GALNT16: variants seen among roughly 807,000 people sequenced by gnomAD.
The protein encoded by GALNT16 is polypeptide N-acetylgalactosaminyltransferase 16.
In GALNT16, 40 loss-of-function variants were observed where a neutral mutation model predicts 76.1. The observed-to-expected ratio is 0.53, with a 90% CI of 0.41 to 0.68. The LOEUF is 0.68. Among genes scored for constraint, GALNT16 ranks in the 30% least tolerant of loss-of-function variants. GALNT16 has a pLI of 0.00. For synonymous variants in GALNT16, 276 were observed against 285.2 expected (o/e 0.97, Z 0.32); for missense variants, 621 against 731.9 (o/e 0.85, Z 1.75).
At chr14:69,376,789 G>A in the GALNT16 span, among the ~76,000 whole-genome samples, 6 of 152,208 alleles carry the variant, frequency 3.9e-5, no homozygotes, top group African/African-American at 1.4e-4. Context: ...CCTAGACTGG[G>A]AGAAACAATG....
At chr14:69,380,342 G>T in the GALNT16 span, 4 of 397,302 alleles carry the variant, frequency 1.0e-5, no homozygotes, top group Non-Finnish European at 1.8e-5. Flanking sequence ...AAAAAAAAAA[G>T]AAAGAGAAAG....
At chr14:69,321,829 C>T (rs2045190977) in intron 2 of GALNT16, among the ~76,000 whole-genome samples, 1 of 152,244 alleles carries the variant, frequency 6.6e-6, no homozygotes. Flanking sequence ...CACAGAATGG[C>T]CAGGGCGCTG....
intron 1 of GALNT16, among the ~76,000 whole-genome samples, chr14:69,314,227 T>G (rs943440042): frequency 1.3e-5 from 2 of 152,244 alleles, no homozygotes; most frequent in Admixed American, 1.3e-4. Context: ...TAATCACAAT[T>G]TATGTGCCAG....
intron 1 of GALNT16, among the ~76,000 whole-genome samples, chr14:69,297,380 A>T: frequency 6.6e-6 from 1 of 150,586 alleles, no homozygotes; most frequent in Admixed American, 6.6e-5. Flanking sequence ...TCTTTCTTTT[A>T]CTCTTTTTGC....
chr14:69,371,803 G>A, the GALNT16 span, among the ~76,000 whole-genome samples: 1 of 151,686 alleles, frequency 6.6e-6, no homozygotes, highest in Admixed American at 6.6e-5. Flanking sequence ...AATTAACCGG[G>A]CGTGGTGGCG....
At chr14:69,324,941 G>A (rs1185036576) in intron 3 of GALNT16, 151 bp downstream of exon 3, 11 of 579,394 alleles carry the variant, frequency 1.9e-5, no homozygotes, top group Non-Finnish European at 3.1e-5. Flanking sequence ...TCAGGGCCAG[G>A]AAGACCCCAG....
chr14:69,260,137 C>CCCA, upstream of GALNT16: 1 of 113,958 alleles, frequency 8.8e-6, no homozygotes, highest in South Asian at 2.5e-4. Context: ...CTCCCTATCA[C>CCCA]CCCCCCGCCC....
At chr14:69,293,627 C>T (rs1169515286) in intron 1 of GALNT16, among the ~76,000 whole-genome samples, 2 of 152,166 alleles carry the variant, frequency 1.3e-5, no homozygotes, top group African/African-American at 2.4e-5. Context: ...TACTGCTTGC[C>T]CTACTGCCTG....
intron 1 of GALNT16, among the ~76,000 whole-genome samples, chr14:69,280,225 T>A (rs2044522249): frequency 6.6e-6 from 1 of 151,656 alleles, no homozygotes; most frequent in South Asian, 2.1e-4. Context: ...CCTTGGAGGC[T>A]ACTATCCTAC....
At chr14:69,278,031 C>T (rs115414290) in intron 1 of GALNT16, among the ~76,000 whole-genome samples, 2,247 of 144,072 alleles carry the variant, frequency 0.016, 63 homozygotes, top group African/African-American at 0.056. Flanking sequence ...TTTTTAGAGA[C>T]AAGCCCTCCC....
the GALNT16 span, among the ~76,000 whole-genome samples, chr14:69,364,379 A>T: frequency 6.6e-6 from 1 of 152,262 alleles, no homozygotes; most frequent in Non-Finnish European, 1.5e-5. This position sits in a 1 kb window ranked among gnomAD's most constrained non-coding sequence, Gnocchi z 4.2. Context: ...GAATGTGAGA[A>T]CAAAGATTAT....
chr14:69,348,300 A>C, intron 14 of GALNT16: 2 of 558,788 alleles, frequency 3.6e-6, no homozygotes, highest in Non-Finnish European at 6.3e-6. Flanking sequence ...ACCACAGTTC[A>C]AATAAGTGTT....
intron 1 of GALNT16, among the ~76,000 whole-genome samples, chr14:69,269,616 T>TTG (rs1159307431): frequency 2.0e-5 from 3 of 148,204 alleles, no homozygotes; most frequent in Non-Finnish European, 3.0e-5. Context: ...GTGTTATATG[T>TTG]TGTGTGTGTG....
intron 1 of GALNT16, among the ~76,000 whole-genome samples, chr14:69,270,327 T>C (rs569085298): frequency 1.2e-4 from 18 of 152,268 alleles, no homozygotes; most frequent in African/African-American, 4.1e-4. Context: ...ATCTGAGGTG[T>C]GTCCTCTGAG....
At chr14:69,286,304 C>CTTTT (rs35362251) in intron 1 of GALNT16, among the ~76,000 whole-genome samples, 1 of 142,130 alleles carries the variant, frequency 7.0e-6, no homozygotes, top group Admixed American at 7.0e-5. Flanking sequence ...TCCAAAGGCA[C>CTTTT]TTTTTTTTTT....
intron 1 of GALNT16, among the ~76,000 whole-genome samples, chr14:69,277,245 T>C (rs112239037): frequency 0.013 from 1,915 of 152,366 alleles, 42 homozygotes; most frequent in African/African-American, 0.043. Context: ...TATTATGCTT[T>C]AAGTTCTAGG....
At chr14:69,322,444 C>A (rs1370255256) in intron 2 of GALNT16, among the ~76,000 whole-genome samples, 1 of 152,246 alleles carries the variant, frequency 6.6e-6, no homozygotes, top group African/African-American at 2.4e-5. Flanking sequence ...GTTCACCCCC[C>A]AGCTTACCTG....
chr14:69,344,254 A>G (rs539267035), intron 12 of GALNT16, among the ~76,000 whole-genome samples: 3 of 152,382 alleles, frequency 2.0e-5, no homozygotes, highest in Admixed American at 6.5e-5. Context: ...TATTACTTGC[A>G]TTAGGACTAT....
At chr14:69,264,771 T>C (rs1435348810) in intron 1 of GALNT16, among the ~76,000 whole-genome samples, 1 of 151,466 alleles carries the variant, frequency 6.6e-6, no homozygotes, top group Non-Finnish European at 1.5e-5. Context: ...GTTCAGATTT[T>C]TTTCTTTTCT....
Sources: gnomAD v4.1 joint callset for allele counts (sites outside exome capture counted in the v4.1 genomes callset) on GRCh38, gnomAD v4.1.1 for gene constraint, Gnocchi (gnomAD v3.1) non-coding constraint, MANE v1.5 for transcripts, NCBI Gene and HGNC (gene_info 2026-07-23, HGNC 2026-07-21) for gene names.